The following SDC2 variants were observed in gnomAD, a reference collection of about 807,000 sequenced individuals.
SDC2 encodes syndecan 2, also known as syndecan-2.
In SDC2, 13 loss-of-function variants were observed where a neutral mutation model predicts 22.2. The observed-to-expected ratio is 0.59, with a 90% CI of 0.38 to 0.93. The LOEUF (loss-of-function observed/expected upper bound fraction) is 0.93, where lower values mean the gene tolerates loss of function less well. Ranked by LOEUF, SDC2 falls within the 40% of genes least tolerant of loss-of-function variation. The pLI is 0.00. For synonymous variants in SDC2, 94 were observed against 92.8 expected (o/e 1.01, Z -0.07); for missense variants, 235 against 246.8 (o/e 0.95, Z 0.32).
At chr8:96,531,035 G>A (rs1227346727) in intron 1 of SDC2, among the ~76,000 whole-genome samples, 2 of 152,208 alleles carry the variant, frequency 1.3e-5, no homozygotes, top group Non-Finnish European at 2.9e-5. Context: ...CCTAGGCTGT[G>A]TCCAGCTCCC....
rs1357924054 is a variant in SDC2 at position 96,593,571 on chromosome 8, ACGCTTC to A, written c.153_158del (p.Ala54_Ser55del). On this transcript the variant is annotated inframe_deletion, in exon 2 of 5. Coordinates refer to ENST00000302190, the MANE Select transcript of SDC2 (RefSeq NM_002998.4). ...GTGTATCCTATTGATGACGATGACT[ACGCTTC>A]TGCGTCTGGCTCGGGTAAGGTGGCT... 6.2e-7 allele frequency: 1 copy of A among 1,613,172 alleles called. No homozygotes were observed. Among genetic ancestry groups the A allele is most frequent in the East Asian group, 2.2e-5 (1 of 44,872 alleles).
intron 1 of SDC2, among the ~76,000 whole-genome samples, chr8:96,547,436 C>T (rs781596801): frequency 5.3e-5 from 8 of 152,228 alleles, no homozygotes; most frequent in East Asian, 3.9e-4. Flanking sequence ...TTCGCACCAA[C>T]GCTGTCCACT....
intron 1 of SDC2, among the ~76,000 whole-genome samples, chr8:96,545,891 G>A (rs947619747): frequency 2.6e-5 from 4 of 152,306 alleles, no homozygotes; most frequent in African/African-American, 9.6e-5. Context: ...GTTAGATGAG[G>A]TTTCGGAGTT....
At chr8:96,559,841 A>C (rs1232726883) in intron 1 of SDC2, among the ~76,000 whole-genome samples, 2 of 152,186 alleles carry the variant, frequency 1.3e-5, no homozygotes, top group Non-Finnish European at 2.9e-5. Flanking sequence ...CCTAATGTGA[A>C]ATGAATTGTC....
intron 1 of SDC2, among the ~76,000 whole-genome samples, chr8:96,582,690 C>T (rs1328785595): frequency 5.3e-5 from 8 of 152,150 alleles, no homozygotes; most frequent in East Asian, 1.9e-4. Flanking sequence ...ATAGATTGGA[C>T]GCAGAAAACC....
At chr8:96,539,537 T>G (rs1813811199) in intron 1 of SDC2, among the ~76,000 whole-genome samples, 1 of 152,226 alleles carries the variant, frequency 6.6e-6, no homozygotes. Context: ...CAAGTAAACA[T>G]CAATCTCTAA....
chr8:96,556,483 A>G (rs1176107715), intron 1 of SDC2, among the ~76,000 whole-genome samples: 2 of 152,096 alleles, frequency 1.3e-5, no homozygotes, highest in African/African-American at 2.4e-5. Context: ...ATCTACAACT[A>G]TCTGATCTTT....
Position 96,534,072 on chromosome 8 carries a change from C to T in SDC2, c.60+39741C>T, listed in dbSNP as rs956225911. ...CCCGGGTGTTAAGCCCCTCACTGCC[C>T]GGGGCCGGCGGTGCCCACTGGCCGC... On this transcript the variant is annotated intron_variant, in intron 1 of 4. Transcript: ENST00000302190. Among the ~76,000 whole-genome samples the T allele has an allele frequency of 4.6e-5, 7 of 152,214 alleles. No homozygotes were observed. In the East Asian group the frequency reaches 5.8e-4, roughly 13 times the overall value.
chr8:96,602,596 A>C, intron 3 of SDC2, 68 bp downstream of exon 3: 1 of 1,472,446 alleles, frequency 6.8e-7, no homozygotes, highest in African/African-American at 1.4e-5. Context: ...CTGACTGTAC[A>C]CAACAGTCCC....
In SDC2 at chr8:96,586,509, C is replaced by T. The variant is rs550557703; in HGVS notation, c.61-6971C>T. 6.5e-4 allele frequency: 99 copies of T among 152,332 alleles called. 1 individual carries two copies. Among genetic ancestry groups the T allele is most frequent in the African/African-American group, 2.2e-3 (91 of 41,560 alleles). 9.4% of individuals were successfully genotyped at this position (152,332 alleles called of 1,614,324 possible). A position where few individuals can be genotyped will look rare whatever the true frequency, so the allele number is the denominator to read the frequency against. Reference sequence around the variant, plus strand: ...AAGAGCCCCACTCTATAAGAGGCATCCAACAGGAACAGCCAACATCAGTGG... The same window carrying T: ...AAGAGCCCCACTCTATAAGAGGCATTCAACAGGAACAGCCAACATCAGTGG... On this transcript the variant is annotated intron_variant, in intron 1 of 4. Transcript: ENST00000302190.
At chr8:96,530,180 T>G (rs1397866240) in intron 1 of SDC2, among the ~76,000 whole-genome samples, 1 of 152,232 alleles carries the variant, frequency 6.6e-6, no homozygotes, top group Non-Finnish European at 1.5e-5. Context: ...TGATTGTGAT[T>G]GTTTTGTCTA....
intron 1 of SDC2, among the ~76,000 whole-genome samples, chr8:96,555,305 T>C (rs1415910676): frequency 1.3e-5 from 2 of 152,154 alleles, no homozygotes; most frequent in Non-Finnish European, 2.9e-5. Flanking sequence ...TTTCCTTTCT[T>C]AGACCATTGG....
chr8:96,540,340 G>GTGTGTATATATATATATATATATA (rs4058341), intron 1 of SDC2, among the ~76,000 whole-genome samples: 1 of 123,664 alleles, frequency 8.1e-6, no homozygotes, highest in Non-Finnish European at 1.7e-5. Context: ...ATATATATGT[G>GTGTGTATATATATATATATATATA]TATATATATA....
At chr8:96,533,723 C>A (rs901682463) in intron 1 of SDC2, among the ~76,000 whole-genome samples, 5 of 152,192 alleles carry the variant, frequency 3.3e-5, no homozygotes, top group Non-Finnish European at 7.3e-5. Flanking sequence ...TCTGCAATCC[C>A]TTAGCTAGAC....
rs530507960 is a variant in SDC2, at chr8:96,512,619, C to T, written c.60+18288C>T. On this transcript the variant is annotated intron_variant, in intron 1 of 4. Coordinates refer to ENST00000302190, the MANE Select transcript of SDC2 (RefSeq NM_002998.4). ...GGAAAGTGGAGAACATGGGGGTGCT[C>T]AAGCCAGATGTGGGGGCATTGGGGG... Among the ~76,000 whole-genome samples, 3 of 152,038 alleles carry T rather than the reference C, an allele frequency of 2.0e-5. No individual in the cohort carries two copies. In the South Asian group the frequency reaches 6.2e-4, roughly 32 times the overall value.
intron 1 of SDC2, among the ~76,000 whole-genome samples, chr8:96,507,753 A>G (rs752563169): frequency 6.6e-6 from 1 of 152,250 alleles, no homozygotes; most frequent in Non-Finnish European, 1.5e-5. Context: ...TGCTAAAAAT[A>G]TGTCAGTGCC....
intron 1 of SDC2, 113 bp downstream of exon 1, chr8:96,494,444 C>T (rs1813016441): frequency 1.1e-6 from 1 of 930,616 alleles, no homozygotes; most frequent in Non-Finnish European, 1.6e-6. Context: ...CCCAAGTATA[C>T]ACCGGAGATC....
intron 1 of SDC2, among the ~76,000 whole-genome samples, chr8:96,571,092 CA>C (rs925061950): frequency 3.3e-5 from 5 of 152,042 alleles, no homozygotes; most frequent in Non-Finnish European, 5.9e-5. Context: ...TTTAAAAAGC[CA>C]AAAAATATGT....
chr8:96,518,317 TCTGCCTTGTGGACCTAGTTGGAGAGA>T (rs1251884455), intron 1 of SDC2, among the ~76,000 whole-genome samples: 1 of 151,874 alleles, frequency 6.6e-6, no homozygotes, highest in Non-Finnish European at 1.5e-5. Flanking sequence ...ACGGTGCACT[TCTGCCTTGTGGACCTAGTTGGAGAGA>T]CTGCCTTACC....
Sources: gnomAD v4.1 joint callset for allele counts (sites outside exome capture counted in the v4.1 genomes callset) on GRCh38, gnomAD v4.1.1 for gene constraint, MANE v1.5 for transcripts, NCBI Gene and HGNC (gene_info 2026-07-23, HGNC 2026-07-21) for gene names.